SRRM4: variants seen among roughly 807,000 people sequenced by gnomAD.
SRRM4 encodes the protein serine/arginine repetitive matrix 4.
A neutral mutation model predicts 68.9 loss-of-function variants in SRRM4; 33 were observed. The observed-to-expected ratio is 0.48, with a 90% CI of 0.36 to 0.64. SRRM4 has a LOEUF of 0.64. Among genes scored for constraint, SRRM4 ranks in the 30% least tolerant of loss-of-function variants. The probability of loss-of-function intolerance (pLI) is 0.00; values close to 1 mark genes in which losing one functional copy is unlikely to be tolerated. For synonymous variants in SRRM4, 318 were observed against 318.8 expected (o/e 1.00, Z 0.03); for missense variants, 817 against 827.1 (o/e 0.99, Z 0.15).
chr12:119,054,127 A>C (rs1953762504), intron 1 of SRRM4, among the ~76,000 whole-genome samples: 1 of 152,210 alleles, frequency 6.6e-6, no homozygotes, highest in African/African-American at 2.4e-5. Context: ...CAAACAAGTG[A>C]GAACATGCAG....
chr12:119,078,851 GC>G (rs1442862997), intron 1 of SRRM4, among the ~76,000 whole-genome samples: 1 of 152,132 alleles, frequency 6.6e-6, no homozygotes, highest in Non-Finnish European at 1.5e-5. Flanking sequence ...GATCACTCAA[GC>G]CCAGGAATTT....
intron 1 of SRRM4, among the ~76,000 whole-genome samples, chr12:118,990,378 A>G (rs1953308920): frequency 6.6e-6 from 1 of 152,170 alleles, no homozygotes; most frequent in African/African-American, 2.4e-5. Context: ...ACACACGTAG[A>G]TGTGAATTGC....
intron 1 of SRRM4, among the ~76,000 whole-genome samples, chr12:118,996,526 A>C (rs1271076405): frequency 6.6e-6 from 1 of 152,258 alleles, no homozygotes; most frequent in African/African-American, 2.4e-5. Context: ...CAAAAAGAAA[A>C]TTAAGGCCAA....
chr12:119,119,655 T>C (rs1422518587), intron 4 of SRRM4, among the ~76,000 whole-genome samples: 2 of 152,062 alleles, frequency 1.3e-5, no homozygotes, highest in Admixed American at 1.3e-4. Context: ...TTGGGGAAGA[T>C]TGAATGAGAT....
At chr12:119,088,711 T>C (rs1953995194) in intron 1 of SRRM4, among the ~76,000 whole-genome samples, 1 of 151,710 alleles carries the variant, frequency 6.6e-6, no homozygotes, top group South Asian at 2.1e-4. Context: ...CAAAAGGAGG[T>C]TGGGATAGTT....
At chr12:119,110,863 C>T (rs1313414025) in intron 2 of SRRM4, among the ~76,000 whole-genome samples, 1 of 152,180 alleles carries the variant, frequency 6.6e-6, no homozygotes, top group Non-Finnish European at 1.5e-5. Flanking sequence ...AACCCGGTAC[C>T]TTAGTTGGAA....
intron 1 of SRRM4, among the ~76,000 whole-genome samples, chr12:119,094,992 C>A (rs1954034680): frequency 6.6e-6 from 1 of 152,200 alleles, no homozygotes; most frequent in Non-Finnish European, 1.5e-5. Context: ...AACATTACTG[C>A]CCCTATATCC....
intron 1 of SRRM4, among the ~76,000 whole-genome samples, chr12:119,064,345 C>A (rs1352667680): frequency 6.6e-6 from 1 of 152,122 alleles, no homozygotes; most frequent in Non-Finnish European, 1.5e-5. Context: ...AGGAATGTTT[C>A]AAACAAAGGA....
chr12:119,032,074 T>A (rs1187993250), intron 1 of SRRM4, among the ~76,000 whole-genome samples: 1 of 152,188 alleles, frequency 6.6e-6, no homozygotes, highest in Non-Finnish European at 1.5e-5. Flanking sequence ...TTTCATTATT[T>A]ATCTTTAACT....
chr12:119,147,612 T>A (rs918667280), intron 9 of SRRM4, among the ~76,000 whole-genome samples: 1 of 152,094 alleles, frequency 6.6e-6, no homozygotes, highest in African/African-American at 2.4e-5. Flanking sequence ...AATCATGCTA[T>A]GAAACTAAAA....
intron 1 of SRRM4, chr12:118,991,670 A>C (rs1187399521): frequency 2.0e-5 from 3 of 152,212 alleles, no homozygotes; most frequent in Admixed American, 1.3e-4. Flanking sequence ...TAATAGTCTG[A>C]ACCATATGGA....
Position 119,073,321 on chromosome 12 carries a change from T to G in SRRM4, c.132-28915T>G, listed in dbSNP as rs566012812. Among the ~76,000 whole-genome samples, 32 of 148,914 alleles carry G rather than the reference T, an allele frequency of 2.1e-4. 1 individual carries two copies. Among genetic ancestry groups the G allele is most frequent in the Non-Finnish European group, 1.5e-5 (1 of 67,356 alleles). ...TCTCTCTCTCTCTCCTCTTTTTTTT[T>G]TTTGTTTGTTTGTTTGTTTGAGAAG... On this transcript the variant is annotated intron_variant, in intron 1 of 12. Transcript: ENST00000267260.
At chr12:119,067,860 A>G (rs1223229221) in intron 1 of SRRM4, among the ~76,000 whole-genome samples, 1 of 152,204 alleles carries the variant, frequency 6.6e-6, no homozygotes, top group Non-Finnish European at 1.5e-5. Context: ...AATGGAGGTA[A>G]TACAGTGGGT....
intron 1 of SRRM4, among the ~76,000 whole-genome samples, chr12:119,022,904 C>T (rs1438926204): frequency 6.6e-6 from 1 of 152,168 alleles, no homozygotes; most frequent in Non-Finnish European, 1.5e-5. Context: ...TGATGTTTCC[C>T]CTCACCACTG....
chr12:119,034,054 C>T (rs771943842), intron 1 of SRRM4, among the ~76,000 whole-genome samples: 18 of 152,094 alleles, frequency 1.2e-4, no homozygotes, highest in Admixed American at 2.0e-4. Flanking sequence ...AGCATACAGG[C>T]GACTTAGGAG....
At chr12:119,152,808 G>A (rs1006130244) in intron 10 of SRRM4, among the ~76,000 whole-genome samples, 2 of 152,228 alleles carry the variant, frequency 1.3e-5, no homozygotes, top group Admixed American at 1.3e-4. Context: ...TTTTCTAAAA[G>A]TGGGAGGCAT....
At chr12:119,091,242 T>C (rs1349970726) in intron 1 of SRRM4, among the ~76,000 whole-genome samples, 2 of 152,198 alleles carry the variant, frequency 1.3e-5, no homozygotes, top group Non-Finnish European at 2.9e-5. Flanking sequence ...GAGACAAATT[T>C]ATCCCTGGAC....
intron 8 of SRRM4, among the ~76,000 whole-genome samples, chr12:119,145,021 T>C (rs1481687306): frequency 6.6e-6 from 1 of 152,176 alleles, no homozygotes; most frequent in Non-Finnish European, 1.5e-5. Flanking sequence ...TTTTTTATTA[T>C]TGTTTTAGGT....
chr12:119,033,468 A>G (rs1244197160), intron 1 of SRRM4, among the ~76,000 whole-genome samples: 1 of 152,198 alleles, frequency 6.6e-6, no homozygotes, highest in Non-Finnish European at 1.5e-5. Flanking sequence ...GATGGAGGCC[A>G]TCCTGGCCCA....
Sources: gnomAD v4.1 joint callset for allele counts (sites outside exome capture counted in the v4.1 genomes callset) on GRCh38, gnomAD v4.1.1 for gene constraint, MANE v1.5 for transcripts, NCBI Gene and HGNC (gene_info 2026-07-23, HGNC 2026-07-21) for gene names.